Variants in SPOCK1 observed in about 807,000 individuals in gnomAD.
SPOCK1 encodes testican-1.
In SPOCK1, 23 loss-of-function variants were observed where a neutral mutation model predicts 55.3. The ratio of observed to expected loss-of-function variants is 0.42; its 90% CI spans 0.30 to 0.59. The LOEUF (loss-of-function observed/expected upper bound fraction) is 0.59, where lower values mean the gene tolerates loss of function less well. Ranked by LOEUF, SPOCK1 falls within the 20% of genes least tolerant of loss-of-function variation. The pLI is 0.22. For missense variants in SPOCK1, 499 were observed against 552.5 expected, an observed-to-expected ratio of 0.90 and a Z score of 0.97; for synonymous variants, 226 against 221.0, an observed-to-expected ratio of 1.02 and a Z score of -0.20.
chr5:137,082,782 AT>A (rs1752896909), intron 5 of SPOCK1, among the ~76,000 whole-genome samples: 1 of 152,198 alleles, frequency 6.6e-6, no homozygotes, highest in South Asian at 2.1e-4. Context: ...CCAAGAGCTC[AT>A]TACATATTCA....
At chr5:137,070,796 C>T (rs553436786) in intron 5 of SPOCK1, among the ~76,000 whole-genome samples, 1 of 152,274 alleles carries the variant, frequency 6.6e-6, no homozygotes, top group South Asian at 2.1e-4. Context: ...CTGGAATCCA[C>T]TTTCTCGGCT....
At chr5:137,137,286 G>A (rs1235008268) in intron 4 of SPOCK1, among the ~76,000 whole-genome samples, 1 of 152,146 alleles carries the variant, frequency 6.6e-6, no homozygotes, top group Non-Finnish European at 1.5e-5. Flanking sequence ...GCCTACAGAT[G>A]TTTCACAGAG....
intron 2 of SPOCK1, among the ~76,000 whole-genome samples, chr5:137,317,113 C>T (rs1275034191): frequency 6.6e-6 from 1 of 152,160 alleles, no homozygotes; most frequent in Non-Finnish European, 1.5e-5. Context: ...TTGGCTGAGG[C>T]AGAGGGGCAT....
intron 5 of SPOCK1, among the ~76,000 whole-genome samples, chr5:137,096,735 A>T (rs867395419): frequency 6.6e-6 from 1 of 152,006 alleles, no homozygotes; most frequent in African/African-American, 2.4e-5. Context: ...GTATCTTTTT[A>T]AAAAAATTTT....
chr5:137,190,878 G>A (rs775134948), intron 3 of SPOCK1, among the ~76,000 whole-genome samples: 2 of 152,150 alleles, frequency 1.3e-5, no homozygotes, highest in African/African-American at 2.4e-5. Flanking sequence ...CCAGACACTG[G>A]CAATGAATAC....
intron 3 of SPOCK1, among the ~76,000 whole-genome samples, chr5:137,142,537 C>G (rs1270625798): frequency 6.6e-6 from 1 of 152,206 alleles, no homozygotes; most frequent in African/African-American, 2.4e-5. Flanking sequence ...CTAGGGGAGT[C>G]ACCTGGTAGA....
intron 2 of SPOCK1, among the ~76,000 whole-genome samples, chr5:137,315,048 G>A (rs1757852620): frequency 6.6e-6 from 1 of 152,090 alleles, no homozygotes; most frequent in Admixed American, 6.5e-5. Context: ...TCTAAAATAG[G>A]AACCCTCACC....
intron 2 of SPOCK1, among the ~76,000 whole-genome samples, chr5:137,378,208 T>C (rs928553987): frequency 2.6e-5 from 4 of 152,164 alleles, no homozygotes; most frequent in Non-Finnish European, 5.9e-5. Context: ...CCTCCCAAAG[T>C]GCTGGGATTA....
At chr5:137,459,411 T>C (rs993071381) in intron 2 of SPOCK1, among the ~76,000 whole-genome samples, 2 of 151,542 alleles carry the variant, frequency 1.3e-5, no homozygotes, top group Admixed American at 1.3e-4. Flanking sequence ...AAGAGCAGAA[T>C]GTCCTTGCCT....
At position 137,408,796 on chromosome 5, in the gene SPOCK1, T is replaced by C. The variant is rs568920374; in HGVS notation, c.186+89577A>G. Among the ~76,000 whole-genome samples the C allele has an allele frequency of 2.0e-5, 3 of 152,280 alleles. No individual in the cohort carries two copies. In the South Asian group the frequency reaches 6.2e-4, roughly 32 times the overall value. ...AGAATAAGATGTCAAGGAAAGAACA[T>C]GAGACAGACCAGGAGCAGCCCAGCT... is the stretch of plus-strand genomic sequence containing the variant. On this transcript the variant is annotated intron_variant, in intron 2 of 10. Transcript: ENST00000394945.
intron 3 of SPOCK1, among the ~76,000 whole-genome samples, chr5:137,212,024 G>A (rs1379158462): frequency 6.6e-6 from 1 of 152,166 alleles, no homozygotes; most frequent in Non-Finnish European, 1.5e-5. Flanking sequence ...CTGAGAAGAG[G>A]GTTATGGGAA....
At chr5:137,092,915 G>A (rs148892092) in intron 5 of SPOCK1, among the ~76,000 whole-genome samples, 12 of 152,272 alleles carry the variant, frequency 7.9e-5, no homozygotes, top group African/African-American at 2.2e-4. Flanking sequence ...CCTTTTTGCC[G>A]GTGGGGGCTC....
At chr5:137,172,647 A>AT in intron 3 of SPOCK1, among the ~76,000 whole-genome samples, 1 of 152,040 alleles carries the variant, frequency 6.6e-6, no homozygotes, top group Non-Finnish European at 1.5e-5. Flanking sequence ...ATATTTGCTG[A>AT]TTTTTTTGAG....
At chr5:137,427,574 C>A (rs537504261) in intron 2 of SPOCK1, among the ~76,000 whole-genome samples, 57 of 152,274 alleles carry the variant, frequency 3.7e-4, no homozygotes, top group Admixed American at 7.2e-4. Context: ...CCCTACTACT[C>A]CACTCTGGGT....
intron 6 of SPOCK1, among the ~76,000 whole-genome samples, chr5:137,036,458 G>C (rs1455200851): frequency 6.6e-6 from 1 of 152,008 alleles, no homozygotes; most frequent in Non-Finnish European, 1.5e-5. Context: ...CTTCCTTCTT[G>C]TTGTACAATA....
chr5:137,437,489 C>T (rs529508337), intron 2 of SPOCK1, among the ~76,000 whole-genome samples: 1 of 152,208 alleles, frequency 6.6e-6, no homozygotes, highest in African/African-American at 2.4e-5. Context: ...GTGCAACTAT[C>T]ACCACAATGG....
chr5:137,388,273 C>A (rs941313499), intron 2 of SPOCK1, among the ~76,000 whole-genome samples: 1 of 152,108 alleles, frequency 6.6e-6, no homozygotes, highest in Non-Finnish European at 1.5e-5. Context: ...TAGATGCTAA[C>A]TGAAAGCACG....
At position 137,498,501 on chromosome 5, in the gene SPOCK1, C is replaced by G; in HGVS notation, c.58G>C (p.Glu20Gln). 8 of 1,583,474 alleles carry G rather than the reference C, an allele frequency of 5.1e-6. No homozygotes were observed. The East Asian group carries it at 6.9e-5, about 14-fold the overall frequency. ...AAAAWCFLQV[E>Q]SRHLDALAGG... ...GCGAGCGCGTCCAGGTGCCGGCTCTCGACTTGGAGGAAGCACCACGCCGCG... is the reference window on the plus strand; with the variant it reads ...GCGAGCGCGTCCAGGTGCCGGCTCTGGACTTGGAGGAAGCACCACGCCGCG... The change falls in exon 2 of 11, where the codon GAG (glutamate) becomes CAG (glutamine). Residue 20 changes from glutamate (E) to glutamine (Q), a missense_variant. By Grantham distance (29) the Glu-to-Gln change is conservative. Transcript: ENST00000394945.
At chr5:136,981,926 A>C (rs1055781674) in intron 9 of SPOCK1, among the ~76,000 whole-genome samples, 5 of 152,242 alleles carry the variant, frequency 3.3e-5, no homozygotes, top group African/African-American at 1.2e-4. Context: ...AGTCAACAAT[A>C]GACTGTATAT....
Sources: allele counts gnomAD v4.1 joint callset (sites outside exome capture counted in the v4.1 genomes callset), GRCh38; gene constraint gnomAD v4.1.1; transcripts MANE v1.5; gene names NCBI Gene and HGNC (gene_info 2026-07-23, HGNC 2026-07-21).